CPQ: variants seen among roughly 807,000 people sequenced by gnomAD.
CPQ encodes the protein carboxypeptidase Q, also known as Ser-Met dipeptidase.
In CPQ, 37 loss-of-function variants were observed where a neutral mutation model predicts 45.7. That is an observed-to-expected ratio of 0.81 (90% CI 0.62 to 1.07). CPQ has a LOEUF of 1.07. Among genes scored for constraint, CPQ ranks in the 50% least tolerant of loss-of-function variants. The probability of loss-of-function intolerance (pLI) is 0.00; values close to 1 mark genes in which losing one functional copy is unlikely to be tolerated. For synonymous variants in CPQ, 186 were observed against 205.8 expected, an observed-to-expected ratio of 0.90 and a Z score of 0.82; for missense variants, 537 against 572.9, an observed-to-expected ratio of 0.94 and a Z score of 0.64.
At chr8:96,670,310 ATTTT>A (rs76070257) in intron 1 of CPQ, among the ~76,000 whole-genome samples, 17 of 144,056 alleles carry the variant, frequency 1.2e-4, no homozygotes, top group African/African-American at 4.3e-4. Flanking sequence ...GAGTGACTCA[ATTTT>A]TTTTTTTTTT....
intron 1 of CPQ, among the ~76,000 whole-genome samples, chr8:96,680,874 G>A (rs1449873158): frequency 6.6e-6 from 1 of 152,126 alleles, no homozygotes; most frequent in Admixed American, 6.5e-5. Context: ...GAACTTGTTG[G>A]GAACTGAAGC....
intron 2 of CPQ, among the ~76,000 whole-genome samples, chr8:96,833,485 G>A (rs1288015785): frequency 6.6e-6 from 1 of 152,040 alleles, no homozygotes; most frequent in Non-Finnish European, 1.5e-5. Flanking sequence ...GTGGACTATC[G>A]AACCTGTTAT....
intron 5 of CPQ, among the ~76,000 whole-genome samples, chr8:97,007,320 C>T (rs1290807591): frequency 6.6e-6 from 1 of 152,194 alleles, no homozygotes; most frequent in African/African-American, 2.4e-5. Context: ...TCTTTGAGTT[C>T]TAGTGTCCTC....
chr8:96,739,106 A>G (rs1227469692), intron 1 of CPQ, among the ~76,000 whole-genome samples: 1 of 147,132 alleles, frequency 6.8e-6, no homozygotes, highest in Non-Finnish European at 1.5e-5. Context: ...ATTTCTCCAC[A>G]TCCTCTCCAG....
chr8:96,939,972 G>A (rs1283733482), intron 4 of CPQ, among the ~76,000 whole-genome samples: 1 of 151,996 alleles, frequency 6.6e-6, no homozygotes, highest in Admixed American at 6.6e-5. Context: ...TTCCTCCTTA[G>A]TGCATGGTAT....
rs2513344 is a variant in CPQ, at chr8:97,065,269, A to G, written c.1054-740A>G. Among the ~76,000 whole-genome samples the G allele has an allele frequency of 1.3e-3, 198 of 152,298 alleles. No homozygotes were observed. The East Asian group carries it at 0.014, about 11-fold the overall frequency. On this transcript the variant is annotated intron_variant, in intron 6 of 7. Coordinates refer to ENST00000220763, the MANE Select transcript of CPQ (RefSeq NM_016134.4). ...TAACTGTGCAACCTGTCAAGAGCCT[A>G]TTATATTCTAAATTTGTGCCGTGAC...
intron 7 of CPQ, among the ~76,000 whole-genome samples, chr8:97,142,573 G>A (rs1563593310): frequency 6.6e-6 from 1 of 152,240 alleles, no homozygotes; most frequent in South Asian, 2.1e-4. Flanking sequence ...TGAGGCATTT[G>A]TCTCAGTTAC....
intron 1 of CPQ, among the ~76,000 whole-genome samples, chr8:96,774,040 G>T (rs1463816526): frequency 6.6e-6 from 1 of 152,104 alleles, no homozygotes; most frequent in Non-Finnish European, 1.5e-5. Flanking sequence ...GGAGGCCGAG[G>T]TGGGCAGATC....
intron 3 of CPQ, among the ~76,000 whole-genome samples, chr8:96,861,621 A>G (rs1811927053): frequency 6.6e-6 from 1 of 152,148 alleles, no homozygotes; most frequent in Admixed American, 6.5e-5. Context: ...CTGTGGAGAT[A>G]CATCTAAAAC....
chr8:97,123,649 T>C (rs1250785740), intron 7 of CPQ, among the ~76,000 whole-genome samples: 2 of 151,974 alleles, frequency 1.3e-5, no homozygotes, highest in Admixed American at 6.6e-5. Flanking sequence ...GATGATATAA[T>C]ACAAACTCAA....
At chr8:96,702,154 G>A (rs1388254972) in intron 1 of CPQ, among the ~76,000 whole-genome samples, 6 of 152,198 alleles carry the variant, frequency 3.9e-5, no homozygotes, top group African/African-American at 1.2e-4. Flanking sequence ...GCCTGTGGAC[G>A]GTTGGTTTGT....
intron 4 of CPQ, among the ~76,000 whole-genome samples, chr8:96,924,560 T>C (rs1413865099): frequency 3.3e-5 from 5 of 152,216 alleles, no homozygotes; most frequent in Non-Finnish European, 5.9e-5. Flanking sequence ...ATTACATCCA[T>C]GCAGCATAAC....
intron 1 of CPQ, among the ~76,000 whole-genome samples, chr8:96,725,794 C>T (rs1002831592): frequency 1.3e-5 from 2 of 152,104 alleles, no homozygotes; most frequent in Non-Finnish European, 2.9e-5. Flanking sequence ...CATATGTTTA[C>T]CATAGCACTA....
intron 1 of CPQ, among the ~76,000 whole-genome samples, chr8:96,745,999 G>T (rs572647529): frequency 6.6e-6 from 1 of 152,242 alleles, no homozygotes; most frequent in East Asian, 1.9e-4. Flanking sequence ...CTTAACAAAT[G>T]CATGATTTTC....
intron 3 of CPQ, among the ~76,000 whole-genome samples, chr8:96,853,328 A>C (rs1429526782): frequency 6.6e-6 from 1 of 152,244 alleles, no homozygotes; most frequent in African/African-American, 2.4e-5. Flanking sequence ...TTATATTCTT[A>C]ACATATTCTG....
chr8:97,001,356 T>C (rs1809276811), intron 5 of CPQ, among the ~76,000 whole-genome samples: 1 of 152,228 alleles, frequency 6.6e-6, no homozygotes, highest in Non-Finnish European at 1.5e-5. Context: ...CTTTTACTTA[T>C]TCAGTATGAT....
intron 6 of CPQ, among the ~76,000 whole-genome samples, chr8:97,047,686 T>A (rs187695382): frequency 1.7e-3 from 265 of 152,370 alleles, no homozygotes; most frequent in Admixed American, 5.0e-3. Flanking sequence ...CTGTGTAATT[T>A]TCCTTTAGTT....
At chr8:96,669,064 G>A (rs752485525) in intron 1 of CPQ, among the ~76,000 whole-genome samples, 4 of 152,242 alleles carry the variant, frequency 2.6e-5, no homozygotes, top group Non-Finnish European at 2.9e-5. Context: ...AGGCTGTGAT[G>A]AGGTATCTGA....
intron 1 of CPQ, among the ~76,000 whole-genome samples, chr8:96,673,105 AC>A (rs1809028640): frequency 1.3e-5 from 2 of 152,140 alleles, no homozygotes; most frequent in African/African-American, 4.8e-5. Context: ...GGTAGATGTT[AC>A]CAGTGGAGTC....
Sources: allele counts gnomAD v4.1 joint callset (sites outside exome capture counted in the v4.1 genomes callset), GRCh38; gene constraint gnomAD v4.1.1; transcripts MANE v1.5; gene names NCBI Gene and HGNC (gene_info 2026-07-23, HGNC 2026-07-21).